TTLL5: variants seen among roughly 807,000 people sequenced by gnomAD.
The protein encoded by TTLL5 is tubulin polyglutamylase TTLL5.
Under a neutral mutation model 168.4 loss-of-function variants are expected in TTLL5, and 132 were observed. That is an observed-to-expected ratio of 0.78 (90% CI 0.68 to 0.91). The LOEUF is 0.91. Among genes scored for constraint, TTLL5 ranks in the 40% least tolerant of loss-of-function variants. The probability of loss-of-function intolerance (pLI) is 0.00; values close to 1 mark genes in which losing one functional copy is unlikely to be tolerated. For missense variants in TTLL5, 1,545 were observed against 1,581.5 expected (o/e 0.98, Z 0.39); for synonymous variants, 546 against 558.6 (o/e 0.98, Z 0.32).
At position 75,930,622 on chromosome 14, in the gene TTLL5, A is replaced by G. The variant is rs1352187852; in HGVS notation, c.3824-23802A>G. 1.2e-5 allele frequency: 12 copies of G among 985,338 alleles called. No homozygotes were observed. In the East Asian group the frequency reaches 1.4e-3, roughly 112 times the overall value. The allele number at this position is 985,338 out of a possible 1,614,324, so 61.0% of individuals were successfully genotyped here. On this transcript the variant is annotated intron_variant, in intron 31 of 31. Transcript: ENST00000298832. ...GCAGAGAACAAGAAATTCACGGAAC[A>G]AGTGGATCAGAGGTCAAGTGGGAGA...
chr14:75,911,347 G>A (rs1207044124), intron 31 of TTLL5, among the ~76,000 whole-genome samples: 2 of 152,034 alleles, frequency 1.3e-5, no homozygotes, highest in Non-Finnish European at 2.9e-5. Flanking sequence ...TATGCAGTTA[G>A]TTGATACCAG....
intron 18 of TTLL5, among the ~76,000 whole-genome samples, chr14:75,761,979 T>C (rs1890676558): frequency 6.6e-6 from 1 of 152,190 alleles, no homozygotes; most frequent in African/African-American, 2.4e-5. Context: ...GAAGGATATA[T>C]GATTGGATAT....
intron 12 of TTLL5, 73 bp from the exon 13 acceptor site, chr14:75,732,265 T>C (rs1212249145): frequency 2.2e-6 from 3 of 1,354,186 alleles, no homozygotes; most frequent in Non-Finnish European, 3.1e-6. Context: ...TTAATGAGAT[T>C]GAGTCTTCTA....
At chr14:75,946,303 AAG>A (rs2034769381) in intron 31 of TTLL5, among the ~76,000 whole-genome samples, 6 of 152,370 alleles carry the variant, frequency 3.9e-5, no homozygotes, top group Admixed American at 3.3e-4. Flanking sequence ...TGAAAAGGTA[AAG>A]TTATTGATGA....
chr14:75,859,945 G>A (rs904251611), intron 28 of TTLL5, among the ~76,000 whole-genome samples: 2 of 152,156 alleles, frequency 1.3e-5, no homozygotes, highest in African/African-American at 4.8e-5. Flanking sequence ...GTTTCTCGTG[G>A]CACTTATTAC....
At chr14:75,721,354 G>C (rs1887824125) in intron 12 of TTLL5, among the ~76,000 whole-genome samples, 1 of 152,142 alleles carries the variant, frequency 6.6e-6, no homozygotes, top group Middle Eastern at 3.2e-3. Context: ...CTTCCTATGT[G>C]GAAATGAATG....
At chr14:75,845,615 A>G (rs1380780102) in intron 28 of TTLL5, among the ~76,000 whole-genome samples, 4 of 152,222 alleles carry the variant, frequency 2.6e-5, no homozygotes, top group African/African-American at 4.8e-5. Context: ...GGTTTATGCC[A>G]GATCCTGTGC....
intron 27 of TTLL5, among the ~76,000 whole-genome samples, chr14:75,795,529 A>G (rs559107110): frequency 4.1e-4 from 63 of 152,214 alleles, no homozygotes; most frequent in Non-Finnish European, 6.6e-4. Flanking sequence ...CTATCACCCA[A>G]GTAGTGTACA....
At chr14:75,792,409 TAA>T (rs199638323) in intron 26 of TTLL5, among the ~76,000 whole-genome samples, 14 of 144,594 alleles carry the variant, frequency 9.7e-5, no homozygotes, top group Non-Finnish European at 1.4e-4. Context: ...ACTAAAAATA[TAA>T]AAAAAAAAAG....
At chr14:75,910,822 A>C (rs2033348084) in intron 31 of TTLL5, among the ~76,000 whole-genome samples, 1 of 152,256 alleles carries the variant, frequency 6.6e-6, no homozygotes. Context: ...ATTATAAAGA[A>C]AAAGACTCAG....
chr14:75,737,441 G>T, intron 15 of TTLL5: 2 of 845,696 alleles, frequency 2.4e-6, no homozygotes, highest in Non-Finnish European at 3.6e-6. Flanking sequence ...AAAGTGTAGG[G>T]CTCTTGCTTT....
intron 3 of TTLL5, among the ~76,000 whole-genome samples, chr14:75,680,729 A>G (rs1459079654): frequency 2.7e-5 from 4 of 147,356 alleles, no homozygotes; most frequent in Non-Finnish European, 5.9e-5. Context: ...GGTTCAAGTG[A>G]TTCTCCTGCC....
chr14:75,913,989 T>A, intron 31 of TTLL5, among the ~76,000 whole-genome samples: 1 of 111,342 alleles, frequency 9.0e-6, no homozygotes, highest in African/African-American at 3.9e-5. Context: ...CGCTCCAGCC[T>A]AGGCGACAGA....
chr14:75,815,247 G>A (rs1894324009), intron 27 of TTLL5, among the ~76,000 whole-genome samples: 2 of 152,198 alleles, frequency 1.3e-5, no homozygotes, highest in South Asian at 4.1e-4. Context: ...TCATTTGGTA[G>A]GAACAGATTT....
At chr14:75,842,383 A>G (rs957631009) in intron 28 of TTLL5, among the ~76,000 whole-genome samples, 1 of 152,104 alleles carries the variant, frequency 6.6e-6, no homozygotes, top group African/African-American at 2.4e-5. Flanking sequence ...TTGGGGCAGG[A>G]GTACAACTGA....
chr14:75,695,554 C>T (rs546706806), intron 6 of TTLL5, among the ~76,000 whole-genome samples: 1 of 152,244 alleles, frequency 6.6e-6, no homozygotes, highest in South Asian at 2.1e-4. Flanking sequence ...GGTTTTGCGG[C>T]TCAGGGGGCA....
rs534378639 is a variant in TTLL5 at position 75,726,311 on chromosome 14, T to C, written c.1042+5608T>C. 7.0e-4 allele frequency among the ~76,000 whole-genome samples: 106 copies of C among 152,346 alleles called. 1 individual carries two copies. The highest frequency in any genetic ancestry group is 2.5e-3 in the African/African-American group (103 of 41,594). ...TTCTTTATGATTGGTGGCTTTATTA[T>C]AAATATTTCAAGTGTTGTGATCAGG... On this transcript the variant is annotated intron_variant, in intron 12 of 31. Transcript: ENST00000298832.
chr14:75,779,807 C>T (rs1260000371), intron 24 of TTLL5, 105 bp downstream of exon 24: 1 of 1,187,930 alleles, frequency 8.4e-7, no homozygotes. Context: ...TAATAGTCCC[C>T]AAGGTAATGA....
chr14:75,930,009 G>A (rs548289641), intron 31 of TTLL5, among the ~76,000 whole-genome samples: 68 of 152,218 alleles, frequency 4.5e-4, no homozygotes, highest in African/African-American at 1.5e-3. Flanking sequence ...AAAACTGAAC[G>A]TAAGCACCAA....
Sources: gnomAD v4.1 joint callset for allele counts (sites outside exome capture counted in the v4.1 genomes callset) on GRCh38, gnomAD v4.1.1 for gene constraint, MANE v1.5 for transcripts, NCBI Gene and HGNC (gene_info 2026-07-23, HGNC 2026-07-21) for gene names.